CALN1: variants seen among roughly 807,000 people sequenced by gnomAD.
CALN1 encodes the protein calneuron 1.
CALN1 carries 17 observed loss-of-function variants against 30.6 expected under a neutral mutation model. The ratio of observed to expected loss-of-function variants is 0.56; its 90% confidence interval spans 0.38 to 0.83. CALN1 has a LOEUF of 0.83. Ranked by LOEUF, CALN1 falls within the 40% of genes least tolerant of loss-of-function variation. The pLI, the probability that CALN1 is intolerant of heterozygous loss-of-function variation, is 0.00. For missense variants in CALN1, 291 were observed against 354.9 expected (o/e 0.82, Z 1.45); for synonymous variants, 156 against 131.4 (o/e 1.19, Z -1.28).
intron 2 of CALN1, among the ~76,000 whole-genome samples, chr7:72,371,675 G>A (rs1000154083): frequency 2.0e-5 from 3 of 152,164 alleles, no homozygotes; most frequent in African/African-American, 7.2e-5. Flanking sequence ...TAGCATGTAT[G>A]TATGCATGTA....
the CALN1 span, among the ~76,000 whole-genome samples, chr7:72,455,349 G>A: frequency 6.9e-6 from 1 of 144,134 alleles, no homozygotes; most frequent in African/African-American, 2.5e-5. Context: ...GTGTGTGTGT[G>A]TGTGTGTGTG....
chr7:71,861,549 G>T (rs1791277904), intron 5 of CALN1, among the ~76,000 whole-genome samples: 1 of 151,944 alleles, frequency 6.6e-6, no homozygotes, highest in Admixed American at 6.6e-5. Context: ...GCCGAGGCAA[G>T]GGGATCCCTT....
chr7:72,322,869 ACAT>A (rs1435909014), intron 2 of CALN1, among the ~76,000 whole-genome samples: 2 of 152,024 alleles, frequency 1.3e-5, no homozygotes, highest in Non-Finnish European at 2.9e-5. Context: ...ACTTACCCTG[ACAT>A]CATTATTACA....
intron 5 of CALN1, among the ~76,000 whole-genome samples, chr7:72,005,085 T>G (rs1452467313): frequency 6.6e-6 from 1 of 152,168 alleles, no homozygotes; most frequent in Admixed American, 6.5e-5. Context: ...AAATAGCAGT[T>G]TCTTATAAAA....
intron 1 of CALN1, among the ~76,000 whole-genome samples, chr7:72,418,595 G>C (rs1278904397): frequency 6.6e-6 from 1 of 152,024 alleles, no homozygotes; most frequent in Non-Finnish European, 1.5e-5. Flanking sequence ...ACCACTTCTG[G>C]ACAATCGCCC....
intron 3 of CALN1, among the ~76,000 whole-genome samples, chr7:72,163,535 G>A (rs1288133889): frequency 1.3e-5 from 2 of 152,088 alleles, no homozygotes; most frequent in Non-Finnish European, 2.9e-5. Context: ...AGACTCAGAG[G>A]AAAATATGTC....
chr7:72,455,941 C>G, the CALN1 span, among the ~76,000 whole-genome samples: 1 of 152,184 alleles, frequency 6.6e-6, no homozygotes. Flanking sequence ...AATCCCAGCA[C>G]TTTGGGAGGC....
intron 3 of CALN1, among the ~76,000 whole-genome samples, chr7:72,182,951 T>C (rs1789923598): frequency 6.6e-6 from 1 of 152,154 alleles, no homozygotes. Context: ...AGGCATTGAA[T>C]GCTATGAAAA....
intron 3 of CALN1, among the ~76,000 whole-genome samples, chr7:72,222,257 A>G (rs943758369): frequency 3.3e-5 from 5 of 152,114 alleles, no homozygotes; most frequent in African/African-American, 1.2e-4. Flanking sequence ...AAGAAAGAAA[A>G]AAGGAAAGAA....
At chr7:72,398,309 G>A (rs1357303255) in intron 2 of CALN1, among the ~76,000 whole-genome samples, 3 of 152,274 alleles carry the variant, frequency 2.0e-5, no homozygotes. Flanking sequence ...AGGGGTGGGA[G>A]GGAAAACTAG....
intron 5 of CALN1, among the ~76,000 whole-genome samples, chr7:71,885,843 T>C (rs1156665502): frequency 6.6e-6 from 1 of 152,178 alleles, no homozygotes; most frequent in African/African-American, 2.4e-5. Context: ...TTCCCCTCTT[T>C]GGGGAGAAAT....
chr7:71,857,228 G>A (rs1023963119), intron 5 of CALN1, among the ~76,000 whole-genome samples: 8 of 152,178 alleles, frequency 5.3e-5, no homozygotes, highest in Non-Finnish European at 5.9e-5. Flanking sequence ...TCTCACAAAT[G>A]GGCTAAGTGA....
chr7:72,163,126 AC>A (rs1328758015), intron 3 of CALN1, among the ~76,000 whole-genome samples: 1 of 152,178 alleles, frequency 6.6e-6, no homozygotes, highest in Non-Finnish European at 1.5e-5. Flanking sequence ...GATTGGCAAA[AC>A]GTTTGGAATT....
intron 5 of CALN1, among the ~76,000 whole-genome samples, chr7:71,975,712 G>C (rs1197952267): frequency 2.0e-5 from 3 of 151,808 alleles, no homozygotes; most frequent in Non-Finnish European, 2.9e-5. Context: ...TGATAGGTGT[G>C]AGCCACCACA....
At chr7:72,397,411 G>C (rs1365302105) in intron 2 of CALN1, among the ~76,000 whole-genome samples, 1 of 152,066 alleles carries the variant, frequency 6.6e-6, no homozygotes, top group Non-Finnish European at 1.5e-5. Flanking sequence ...TTGAAGTTGA[G>C]GCAACAAGAG....
At chr7:72,409,846 T>G (rs1458468355) in intron 1 of CALN1, among the ~76,000 whole-genome samples, 1 of 152,102 alleles carries the variant, frequency 6.6e-6, no homozygotes, top group Non-Finnish European at 1.5e-5. Flanking sequence ...GGGCATCAAG[T>G]TACAGTCTTT....
At chr7:71,936,436 T>C (rs962480259) in intron 5 of CALN1, among the ~76,000 whole-genome samples, 1 of 149,528 alleles carries the variant, frequency 6.7e-6, no homozygotes, top group African/African-American at 2.5e-5. Flanking sequence ...GCGTAGAGCC[T>C]TGCTTCACTC....
At chr7:71,990,406 C>T (rs1211281311) in intron 5 of CALN1, among the ~76,000 whole-genome samples, 1 of 152,074 alleles carries the variant, frequency 6.6e-6, no homozygotes, top group Non-Finnish European at 1.5e-5. Context: ...TATAAGAATA[C>T]TCAATCGAGC....
chr7:72,413,224 CAT>C (rs201159914), upstream of CALN1, among the ~76,000 whole-genome samples: 1 of 151,538 alleles, frequency 6.6e-6, no homozygotes, highest in Non-Finnish European at 1.5e-5. Flanking sequence ...CTCATACACA[CAT>C]ATACACTCAC....
Sources: gnomAD v4.1 joint callset for allele counts (sites outside exome capture counted in the v4.1 genomes callset) on GRCh38, gnomAD v4.1.1 for gene constraint, MANE v1.5 for transcripts, NCBI Gene and HGNC (gene_info 2026-07-23, HGNC 2026-07-21) for gene names.